DUSP22: variants seen among roughly 807,000 people sequenced by gnomAD.
DUSP22 encodes the protein dual specificity protein phosphatase 22.
DUSP22 carries 24 observed loss-of-function variants against 24.5 expected under a neutral mutation model. The ratio of observed to expected loss-of-function variants is 0.98; its 90% CI spans 0.71 to 1.38. The LOEUF (loss-of-function observed/expected upper bound fraction) is 1.38, where lower values mean the gene tolerates loss of function less well. DUSP22 is among the 40% of genes most tolerant of loss of function. The pLI, the probability that DUSP22 is intolerant of heterozygous loss-of-function variation, is 0.00. For missense variants in DUSP22, 330 were observed against 269.2 expected, an observed-to-expected ratio of 1.23 and a Z score of -1.58; for synonymous variants, 160 against 106.4, an observed-to-expected ratio of 1.50 and a Z score of -3.10.
intron 1 of DUSP22, among the ~76,000 whole-genome samples, chr6:296,488 G>A (rs1246103596): frequency 3.9e-5 from 6 of 152,296 alleles, no homozygotes; most frequent in African/African-American, 1.4e-4. Context: ...TCTAGTAAAT[G>A]TCTCTGGTAA....
chr6:327,888 G>GAGTTTGA (rs1169704914), intron 3 of DUSP22, among the ~76,000 whole-genome samples: 21 of 152,420 alleles, frequency 1.4e-4, no homozygotes, highest in Non-Finnish European at 2.5e-4. Flanking sequence ...GAGGAGCGAG[G>GAGTTTGA]GGTGGTAGGA....
intron 3 of DUSP22, among the ~76,000 whole-genome samples, chr6:315,765 T>G (rs1758312674): frequency 6.6e-6 from 1 of 152,308 alleles, no homozygotes; most frequent in Non-Finnish European, 1.5e-5. Flanking sequence ...GGTTACTGAT[T>G]TATTCATTTC....
intron 2 of DUSP22, among the ~76,000 whole-genome samples, chr6:305,261 C>A (rs1440042416): frequency 6.6e-6 from 1 of 152,302 alleles, no homozygotes; most frequent in East Asian, 1.9e-4. Context: ...CACCGCAGCC[C>A]CTTGACCATC....
At chr6:332,886 G>A (rs1055731403) in intron 3 of DUSP22, among the ~76,000 whole-genome samples, 1 of 152,302 alleles carries the variant, frequency 6.6e-6, no homozygotes, top group African/African-American at 2.4e-5. Context: ...GAGAGTGTGG[G>A]AGGAAAGGAT....
intron 4 of DUSP22, chr6:336,908 T>G (rs1037950897): frequency 7.9e-5 from 12 of 152,516 alleles, no homozygotes; most frequent in Admixed American, 4.6e-4. Context: ...CTTCTGCCCA[T>G]GTTTTGGTGG....
intron 4 of DUSP22, chr6:337,914 A>G (rs1265660577): frequency 6.6e-6 from 1 of 152,540 alleles, no homozygotes; most frequent in African/African-American, 2.4e-5. Context: ...AAGAGTTACA[A>G]AGGCAAACTA....
At chr6:306,891 T>C (rs1222618832) in intron 2 of DUSP22, among the ~76,000 whole-genome samples, 2 of 152,254 alleles carry the variant, frequency 1.3e-5, no homozygotes, top group African/African-American at 4.8e-5. Flanking sequence ...GAAGATGGAG[T>C]CTGTCTCACA....
intron 3 of DUSP22, among the ~76,000 whole-genome samples, chr6:319,086 C>T (rs1758467111): frequency 6.6e-6 from 1 of 151,544 alleles, no homozygotes; most frequent in African/African-American, 2.4e-5. Flanking sequence ...TCCTAGAGAA[C>T]TAGAATGGGA....
intron 1 of DUSP22, 51 bp from the exon 2 acceptor site, chr6:304,577 C>A: frequency 6.2e-7 from 1 of 1,613,602 alleles, no homozygotes; most frequent in Non-Finnish European, 8.5e-7. Flanking sequence ...TTCTGCAATA[C>A]CATCCACTTA....
intron 1 of DUSP22, among the ~76,000 whole-genome samples, chr6:302,756 C>A (rs1274843820): frequency 6.6e-6 from 1 of 152,418 alleles, no homozygotes; most frequent in Non-Finnish European, 1.5e-5. Flanking sequence ...AAAAAGTGAT[C>A]CTGACACTTG....
chr6:299,736 G>C (rs1239519849), intron 1 of DUSP22, among the ~76,000 whole-genome samples: 1 of 152,306 alleles, frequency 6.6e-6, no homozygotes, highest in Non-Finnish European at 1.5e-5. Flanking sequence ...TGCCTCCTCA[G>C]GTCAGACTTC....
chr6:319,477 A>G (rs1377703818), intron 3 of DUSP22, among the ~76,000 whole-genome samples: 1 of 152,304 alleles, frequency 6.6e-6, no homozygotes, highest in Non-Finnish European at 1.5e-5. Flanking sequence ...CAAGACATGT[A>G]TTTACTGGTC....
rs559261882 is a variant in DUSP22 at position 317,223 on chromosome 6, G to T, written c.138+5261G>T. On this transcript the variant is annotated intron_variant, in intron 3 of 6. Transcript: ENST00000419235. ...GGTGAGACGCCCAGTCTGCTTGGAC[G>T]GCCCCATCCTTTTTCCCCGGGTCAG... Among the ~76,000 whole-genome samples, 98 of 152,366 alleles carry T rather than the reference G, an allele frequency of 6.4e-4. No homozygotes were observed. The South Asian group carries it at 0.02, about 31-fold the overall frequency.
At chr6:295,984 T>C (rs2127387785) in intron 1 of DUSP22, among the ~76,000 whole-genome samples, 1 of 152,392 alleles carries the variant, frequency 6.6e-6, no homozygotes, top group Middle Eastern at 3.4e-3. Flanking sequence ...GAACCCAGTC[T>C]CCACTGATTT....
At position 349,199 on chromosome 6, in the gene DUSP22, G is replaced by A; in HGVS notation, c.*248G>A. ...TTGCCCAGTGGCTGTGCACTGCTCT[G>A]TGCACGTGCGTGTGTGTGAGTGCAC... On this transcript the variant is annotated 3_prime_UTR_variant, in exon 7 of 7. Coordinates refer to ENST00000419235, the MANE Select transcript of DUSP22 (RefSeq NM_001286555.3). 4 of 1,408,530 alleles carry A rather than the reference G, an allele frequency of 2.8e-6. No individual in the cohort carries two copies. Among genetic ancestry groups the A allele is most frequent in the South Asian group, 1.5e-5 (1 of 65,184 alleles). The allele number at this position is 1,408,530 out of a possible 1,614,324, so 87.3% of individuals were successfully genotyped here.
intron 4 of DUSP22, among the ~76,000 whole-genome samples, chr6:338,937 A>G (rs998213534): frequency 3.9e-5 from 6 of 152,424 alleles, no homozygotes; most frequent in Non-Finnish European, 7.3e-5. Context: ...CTTGGCCTCT[A>G]TCCTCTCAAA....
At chr6:320,104 G>T (rs1450700504) in intron 3 of DUSP22, 1 of 152,518 alleles carries the variant, frequency 6.6e-6, no homozygotes, top group East Asian at 1.9e-4. Context: ...GAGGGCTTGA[G>T]ATCTTCCAGT....
intron 6 of DUSP22, 79 bp downstream of exon 6, chr6:348,353 G>A: frequency 1.3e-6 from 2 of 1,584,594 alleles, no homozygotes; most frequent in African/African-American, 1.3e-5. Context: ...TACACAGCCA[G>A]CATCATGGCG....
At chr6:306,778 A>G (rs1266279652) in intron 2 of DUSP22, among the ~76,000 whole-genome samples, 1 of 152,310 alleles carries the variant, frequency 6.6e-6, no homozygotes, top group Non-Finnish European at 1.5e-5. Flanking sequence ...AATGTGGACC[A>G]GTGTCCCTGC....
Sources: allele counts gnomAD v4.1 joint callset (sites outside exome capture counted in the v4.1 genomes callset), GRCh38; gene constraint gnomAD v4.1.1; transcripts MANE v1.5; gene names NCBI Gene and HGNC (gene_info 2026-07-23, HGNC 2026-07-21).